STK3: variants seen among roughly 807,000 people sequenced by gnomAD.
STK3 encodes the protein serine/threonine-protein kinase 3.
Under a neutral mutation model 58.0 loss-of-function variants are expected in STK3, and 41 were observed. That is an observed-to-expected ratio of 0.71 (90% confidence interval 0.55 to 0.92). The LOEUF (loss-of-function observed/expected upper bound fraction) is 0.92, where lower values mean the gene tolerates loss of function less well. Among genes scored for constraint, STK3 ranks in the 40% least tolerant of loss-of-function variants. The probability of loss-of-function intolerance (pLI) is 0.00; values close to 1 mark genes in which losing one functional copy is unlikely to be tolerated. For synonymous variants in STK3, 170 were observed against 191.0 expected (o/e 0.89, Z 0.91); for missense variants, 479 against 602.7 (o/e 0.79, Z 2.15).
At chr8:98,899,704 G>T (rs760021928) in intron 1 of STK3, among the ~76,000 whole-genome samples, 1 of 152,164 alleles carries the variant, frequency 6.6e-6, no homozygotes, top group African/African-American at 2.4e-5. Flanking sequence ...CCAAGGGCAT[G>T]ATATGCATAA....
At chr8:98,940,983 A>G (rs758974894) in intron 1 of STK3, among the ~76,000 whole-genome samples, 3 of 152,240 alleles carry the variant, frequency 2.0e-5, no homozygotes, top group Non-Finnish European at 4.4e-5. Flanking sequence ...CTTTCTCTGC[A>G]GCAAAGGGGC....
At chr8:98,680,481 A>G (rs1048893731) in intron 6 of STK3, among the ~76,000 whole-genome samples, 1 of 152,250 alleles carries the variant, frequency 6.6e-6, no homozygotes, top group Non-Finnish European at 1.5e-5. Context: ...GATGGCTATA[A>G]GAACACACCC....
rs372444294 is a variant in STK3 at position 98,526,866 on chromosome 8, T to C, written c.1193A>G (p.Asp398Gly). 1.9e-6 allele frequency: 3 copies of C among 1,597,622 alleles called. No individual in the cohort carries two copies. Among genetic ancestry groups the C allele is most frequent in the Non-Finnish European group, 2.6e-6 (3 of 1,169,772 alleles). The change falls in exon 10 of 11, where the codon GAT (aspartate) becomes GGT (glycine). Residue 398 changes from aspartate (D) to glycine (G), a missense_variant. Asp to Gly is a moderately conservative substitution (Grantham distance 94). Around this residue, in one of 3 missense-constraint regions of STK3, gnomAD observed 309 missense variants for 355.7 expected, o/e 0.87. Transcript: ENST00000419617. ...ACTCTTATTCTTGAAGTCTTGCTTA[T>C]CAAAGTAGTCCATGAAAGATGGTCT... ...VQRPSFMDYFDKQDFKNKSHE... is the reference protein window; with the variant it reads ...VQRPSFMDYFGKQDFKNKSHE...
intron 1 of STK3, among the ~76,000 whole-genome samples, chr8:98,914,564 C>T (rs1426030562): frequency 6.6e-6 from 1 of 151,686 alleles, no homozygotes. Context: ...TCACACAGGC[C>T]CAAATTGCTC....
intron 6 of STK3, among the ~76,000 whole-genome samples, chr8:98,631,296 A>G (rs1228415359): frequency 1.3e-5 from 2 of 152,160 alleles, no homozygotes; most frequent in Admixed American, 6.5e-5. Context: ...CTCAGGGTAA[A>G]AGCTAAAGGT....
At position 98,564,549 on chromosome 8, in the gene STK3, C is replaced by A. The variant is rs571572040; in HGVS notation, c.948+15115G>T. 1.4e-4 allele frequency among the ~76,000 whole-genome samples: 21 copies of A among 152,132 alleles called. No individual in the cohort carries two copies. The South Asian group carries it at 4.4e-3, about 32-fold the overall frequency. ...AAATTACAGTTAGGAGGAATAAGTTCTGGTGTTCTGTTGCATAGTACAGTG... is the reference window on the plus strand; with the variant it reads ...AAATTACAGTTAGGAGGAATAAGTTATGGTGTTCTGTTGCATAGTACAGTG... On this transcript the variant is annotated intron_variant, in intron 8 of 10. Transcript: ENST00000419617.
intron 7 of STK3, among the ~76,000 whole-genome samples, chr8:98,584,079 T>G (rs537336687): frequency 9.5e-5 from 14 of 147,856 alleles, no homozygotes; most frequent in African/African-American, 3.5e-4. Context: ...AGTGAAAATC[T>G]TTTTTTTTTT....
intron 6 of STK3, among the ~76,000 whole-genome samples, chr8:98,646,591 A>G (rs1411672038): frequency 1.3e-5 from 2 of 152,104 alleles, no homozygotes; most frequent in African/African-American, 4.8e-5. Flanking sequence ...CTATAAACCA[A>G]AATTAGAGAT....
chr8:98,820,861 C>T (rs966564830), intron 1 of STK3, among the ~76,000 whole-genome samples: 1 of 152,070 alleles, frequency 6.6e-6, no homozygotes, highest in Non-Finnish European at 1.5e-5. Flanking sequence ...GCCTGCAGTC[C>T]CAGCTACTCA....
chr8:98,652,902 T>G (rs1821081495), intron 6 of STK3, among the ~76,000 whole-genome samples: 1 of 152,138 alleles, frequency 6.6e-6, no homozygotes, highest in Non-Finnish European at 1.5e-5. Flanking sequence ...AACACTCCAC[T>G]GTCAACATTA....
chr8:98,819,256 G>C (rs1383431861), intron 1 of STK3, among the ~76,000 whole-genome samples: 1 of 152,076 alleles, frequency 6.6e-6, no homozygotes, highest in Non-Finnish European at 1.5e-5. Flanking sequence ...TTATGTAAAT[G>C]TGTGGGTCTG....
chr8:98,524,603 G>A (rs1230991431), intron 10 of STK3, among the ~76,000 whole-genome samples: 1 of 152,032 alleles, frequency 6.6e-6, no homozygotes, highest in Non-Finnish European at 1.5e-5. Flanking sequence ...TCTTTTTGAT[G>A]CTATTATCAA....
At chr8:98,612,952 C>T (rs1817319477) in intron 6 of STK3, among the ~76,000 whole-genome samples, 1 of 152,246 alleles carries the variant, frequency 6.6e-6, no homozygotes, top group Non-Finnish European at 1.5e-5. Context: ...AGAACCTGTA[C>T]TTCCTCTCCA....
chr8:98,451,916 G>A (rs1370991599), downstream of STK3, among the ~76,000 whole-genome samples: 2 of 150,064 alleles, frequency 1.3e-5, no homozygotes, highest in Admixed American at 6.6e-5. Flanking sequence ...AAAAACCCTG[G>A]TACTCCAAAA....
At chr8:98,875,311 T>C (rs1837528347) in intron 3 of STK3, 1 of 152,236 alleles carries the variant, frequency 6.6e-6, no homozygotes, top group South Asian at 2.1e-4. Context: ...TTAGGTACTG[T>C]GGCAAACTGG....
At chr8:98,344,510 A>G in the STK3 span, among the ~76,000 whole-genome samples, 1 of 152,268 alleles carries the variant, frequency 6.6e-6, no homozygotes, top group East Asian at 1.9e-4. Flanking sequence ...CCCTTGGCAA[A>G]TGGCCTGGGT....
chr8:98,394,143 A>G (rs1207862784), intron 3 of STK3, among the ~76,000 whole-genome samples: 1 of 152,194 alleles, frequency 6.6e-6, no homozygotes, highest in Non-Finnish European at 1.5e-5. Flanking sequence ...GGGAGGAGCC[A>G]AAGCAGGAAG....
intron 3 of STK3, among the ~76,000 whole-genome samples, chr8:98,764,838 CT>C (rs1446136818): frequency 6.7e-6 from 1 of 149,290 alleles, no homozygotes; most frequent in East Asian, 2.0e-4. Flanking sequence ...AGGTAAGAGA[CT>C]GGAGGTGTAA....
At chr8:98,514,351 C>T (rs1824760411) in intron 10 of STK3, among the ~76,000 whole-genome samples, 1 of 152,164 alleles carries the variant, frequency 6.6e-6, no homozygotes, top group Middle Eastern at 3.4e-3. Context: ...AAAGAGCATG[C>T]TTCAAAGTAT....
Sources: allele counts gnomAD v4.1 joint callset (sites outside exome capture counted in the v4.1 genomes callset), GRCh38; gene constraint gnomAD v4.1.1; regional missense constraint gnomAD v4.1.1; transcripts MANE v1.5; gene names NCBI Gene and HGNC (gene_info 2026-07-23, HGNC 2026-07-21).